Variants in WFDC9 observed in about 807,000 individuals in gnomAD.
WFDC9 encodes the protein WAP four-disulfide core domain 9, also known as protein WFDC9.
In WFDC9, 9 loss-of-function variants were observed where a neutral mutation model predicts 9.5. The observed-to-expected ratio is 0.95, with a 90% CI of 0.57 to 1.65. WFDC9 has a LOEUF of 1.65. Among genes scored for constraint, WFDC9 ranks in the 40% most tolerant of loss-of-function variants. WFDC9 has a pLI of 0.00. For synonymous variants in WFDC9, 33 were observed against 32.3 expected (o/e 1.02, Z -0.07); for missense variants, 87 against 106.7 (o/e 0.82, Z 0.81).
At chr20:45,630,104 A>G (rs1157672) in intron 1 of WFDC9, among the ~76,000 whole-genome samples, 53,615 of 152,064 alleles carry the variant, frequency 0.35, 9,558 homozygotes, top group Middle Eastern at 0.44. Flanking sequence ...ATGGGAATGA[A>G]GAAGAAACCT....
rs1205684017 is a variant in WFDC9 at position 45,631,280 on chromosome 20, G to A, written c.-230C>T. Reference sequence around the variant, plus strand: ...GATGCCCCACTTGTCTTGCGTCCTGGTGTTCAATTTCTCTCCCTGGCTATG... The same window carrying A: ...GATGCCCCACTTGTCTTGCGTCCTGATGTTCAATTTCTCTCCCTGGCTATG... On this transcript the variant is annotated 5_prime_UTR_variant, in exon 1 of 5. Coordinates refer to ENST00000326000, the MANE Select transcript of WFDC9 (RefSeq NM_147198.4). The A allele has an allele frequency of 3.2e-6, 1 of 308,992 alleles. No individual in the cohort carries two copies. The highest frequency in any genetic ancestry group is 5.1e-5 in the Admixed American group (1 of 19,628). 19.1% of individuals were successfully genotyped at this position (308,992 alleles called of 1,614,324 possible). A position where few individuals can be genotyped will look rare whatever the true frequency, so the allele number is the denominator to read the frequency against.
At position 45,628,778 on chromosome 20, in the gene WFDC9, C is replaced by T. The variant is rs80248834; in HGVS notation, c.-153+2425G>A. On this transcript the variant is annotated intron_variant, in intron 1 of 4. Coordinates refer to ENST00000326000, the MANE Select transcript of WFDC9 (RefSeq NM_147198.4). ...ACTGAAGGAGTCTGCATTAGGAGTT[C>T]AGAATGTCAGAAAGAGGTTCAAATC... 5.5e-3 allele frequency among the ~76,000 whole-genome samples: 843 copies of T among 152,234 alleles called. 7 individuals are homozygous for T. Among genetic ancestry groups the T allele is most frequent in the African/African-American group, 0.019 (809 of 41,532 alleles).
At chr20:45,630,759 C>T in intron 1 of WFDC9, 1 of 1,205,272 alleles carries the variant, frequency 8.3e-7, no homozygotes, top group African/African-American at 1.6e-5. Context: ...AGAAGGAATC[C>T]AGGAGTATCA....
intron 1 of WFDC9, among the ~76,000 whole-genome samples, chr20:45,626,337 C>T (rs1294413750): frequency 6.6e-6 from 1 of 152,064 alleles, no homozygotes; most frequent in East Asian, 1.9e-4. Flanking sequence ...AAGAATGTCA[C>T]TGGTATTTTA....
chr20:45,612,157 T>C (rs997918037), intron 2 of WFDC9, among the ~76,000 whole-genome samples: 2 of 152,208 alleles, frequency 1.3e-5, no homozygotes, highest in Non-Finnish European at 2.9e-5. Flanking sequence ...ATGTTAACTG[T>C]CAGCATTAAG....
At chr20:45,608,314 T>C (rs1215340920) in intron 4 of WFDC9, among the ~76,000 whole-genome samples, 174 bp from the exon 5 acceptor site, 1 of 152,150 alleles carries the variant, frequency 6.6e-6, no homozygotes, top group Non-Finnish European at 1.5e-5. Flanking sequence ...GACAGATAGA[T>C]ACCAGGTCTC....
intron 1 of WFDC9, among the ~76,000 whole-genome samples, chr20:45,621,237 G>A (rs1304366117): frequency 6.6e-6 from 1 of 152,158 alleles, no homozygotes. Flanking sequence ...AGCTCTTTCA[G>A]TATGCTAACT....
At chr20:45,630,058 G>A (rs1982320199) in intron 1 of WFDC9, among the ~76,000 whole-genome samples, 1 of 151,588 alleles carries the variant, frequency 6.6e-6, no homozygotes, top group African/African-American at 2.4e-5. Flanking sequence ...CCTAAACCAT[G>A]GCCCTCCAGC....
At chr20:45,630,863 T>G in intron 1 of WFDC9, 2 of 1,592,560 alleles carry the variant, frequency 1.3e-6, no homozygotes, top group Non-Finnish European at 1.7e-6. Flanking sequence ...TCTATTCTCC[T>G]TGTCAGAAAC....
chr20:45,627,888 T>A (rs1028202250), intron 1 of WFDC9, among the ~76,000 whole-genome samples: 12 of 152,224 alleles, frequency 7.9e-5, no homozygotes, highest in Admixed American at 7.9e-4. Flanking sequence ...TATAGCCTAA[T>A]GTATAGTCAC....
At chr20:45,615,189 T>C (rs958129621) in intron 1 of WFDC9, among the ~76,000 whole-genome samples, 3 of 152,182 alleles carry the variant, frequency 2.0e-5, no homozygotes, top group Non-Finnish European at 4.4e-5. Context: ...TTAGAAAAAG[T>C]AGATGACCAC....
At chr20:45,629,709 G>C in intron 1 of WFDC9, 2 of 1,414,526 alleles carry the variant, frequency 1.4e-6, no homozygotes, top group Middle Eastern at 3.6e-4. Flanking sequence ...GCAGTGAGGA[G>C]CTAAAGATCA....
At chr20:45,609,302 C>T (rs1981804169) in intron 3 of WFDC9, among the ~76,000 whole-genome samples, 1 of 151,664 alleles carries the variant, frequency 6.6e-6, no homozygotes, top group Non-Finnish European at 1.5e-5. Flanking sequence ...TTCCCGGGTT[C>T]AAGCGATTCT....
At chr20:45,610,303 C>T (rs974803528) in intron 2 of WFDC9, 64 bp from the exon 3 acceptor site, 9 of 771,348 alleles carry the variant, frequency 1.2e-5, no homozygotes, top group Non-Finnish European at 1.9e-5. Flanking sequence ...GTGCTTATGA[C>T]TATCATGTTA....
chr20:45,628,271 G>T (rs6073823), intron 1 of WFDC9, among the ~76,000 whole-genome samples: 7,812 of 152,094 alleles, frequency 0.051, 376 homozygotes, highest in East Asian at 0.24. Context: ...AAGAAGTCAA[G>T]GACCCAGGCT....
chr20:45,607,982 A>T lies in WFDC9; in HGVS notation c.*128T>A. 6.8e-6 allele frequency: 7 copies of T among 1,035,052 alleles called. No homozygotes were observed. Among genetic ancestry groups the T allele is most frequent in the Non-Finnish European group, 1.0e-5 (7 of 674,604 alleles). The allele number at this position is 1,035,052 out of a possible 1,614,324, so 64.1% of individuals were successfully genotyped here. A position where few individuals can be genotyped will look rare whatever the true frequency, so the allele number is the denominator to read the frequency against. On this transcript the variant is annotated 3_prime_UTR_variant, in exon 5 of 5. Transcript: ENST00000326000. ...TTATTTGACAAAAGCTTCAGGGTAAAGAGGTCAAGGAAATAGCAGAAAGGT... is the reference window on the plus strand; with the variant it reads ...TTATTTGACAAAAGCTTCAGGGTAATGAGGTCAAGGAAATAGCAGAAAGGT...
chr20:45,618,946 A>G (rs1212766639), intron 1 of WFDC9, among the ~76,000 whole-genome samples: 1 of 152,234 alleles, frequency 6.6e-6, no homozygotes, highest in Non-Finnish European at 1.5e-5. Flanking sequence ...TAATTAATAA[A>G]GCAAAGTGTA....
rs563123998 is a variant in WFDC9, at chr20:45,616,033, G to A, written c.-152-1312C>T. 5.3e-5 allele frequency among the ~76,000 whole-genome samples: 8 copies of A among 152,320 alleles called. No individual in the cohort carries two copies. The South Asian group carries it at 1.7e-3, about 32-fold the overall frequency. On this transcript the variant is annotated intron_variant, in intron 1 of 4. Coordinates refer to ENST00000326000, the MANE Select transcript of WFDC9 (RefSeq NM_147198.4). ...GTGGTTGCTGAGGGTTGGGGTAGCT[G>A]TGGCAATTTATTAAAATAAGAACAA...
chr20:45,630,095 T>C (rs1982321629), intron 1 of WFDC9, among the ~76,000 whole-genome samples: 1 of 152,238 alleles, frequency 6.6e-6, no homozygotes, highest in African/African-American at 2.4e-5. Flanking sequence ...GGAATAGTAA[T>C]GGGAATGAAG....
Sources: allele counts gnomAD v4.1 joint callset (sites outside exome capture counted in the v4.1 genomes callset), GRCh38; gene constraint gnomAD v4.1.1; transcripts MANE v1.5; gene names NCBI Gene and HGNC (gene_info 2026-07-23, HGNC 2026-07-21).